The following SHC3 variants were observed in gnomAD, a reference collection of about 807,000 sequenced individuals.
The protein encoded by SHC3 is SHC-transforming protein 3.
In SHC3, 15 loss-of-function variants were observed where a neutral mutation model predicts 60.4. The observed-to-expected ratio is 0.25, with a 90% CI of 0.17 to 0.38. The LOEUF is 0.38. Among genes scored for constraint, SHC3 ranks in the 10% least tolerant of loss-of-function variants. SHC3 has a pLI of 1.00. For synonymous variants in SHC3, 294 were observed against 325.9 expected (o/e 0.90, Z 1.05); for missense variants, 677 against 786.1 (o/e 0.86, Z 1.66).
intron 11 of SHC3, among the ~76,000 whole-genome samples, chr9:89,021,873 G>A (rs1036153148): frequency 6.6e-6 from 1 of 152,192 alleles, no homozygotes; most frequent in African/African-American, 2.4e-5. Flanking sequence ...AAAATGGGAG[G>A]AGGTCGGCCC....
Position 89,130,529 on chromosome 9 carries a change from G to A in SHC3, c.475-17903C>T, listed in dbSNP as rs1189965887. On this transcript the variant is annotated intron_variant, in intron 1 of 11. Coordinates refer to ENST00000375835, the MANE Select transcript of SHC3 (RefSeq NM_016848.6). ...CATAGTTGGAATTAAAGCACTCCTC[G>A]GCAAATGTAAAAGAACAGAAATTAT... is the stretch of plus-strand genomic sequence containing the variant. Among the ~76,000 whole-genome samples, 6 of 151,978 alleles carry A rather than the reference G, an allele frequency of 3.9e-5. 1 individual carries two copies. Among genetic ancestry groups the A allele is most frequent in the East Asian group, 3.9e-4 (2 of 5,184 alleles).
chr9:89,138,889 C>A (rs965120486), intron 1 of SHC3, among the ~76,000 whole-genome samples: 2 of 152,136 alleles, frequency 1.3e-5, no homozygotes, highest in Non-Finnish European at 2.9e-5. Flanking sequence ...AAGGGTGATT[C>A]ATGACTCTTG....
intron 11 of SHC3, among the ~76,000 whole-genome samples, chr9:89,035,102 G>C (rs1482706044): frequency 1.3e-5 from 2 of 152,296 alleles, no homozygotes; most frequent in African/African-American, 4.8e-5. Context: ...CCAATAAATA[G>C]TGCGGGTTCC....
chr9:89,159,222 A>T (rs998546446), intron 1 of SHC3, among the ~76,000 whole-genome samples: 4 of 152,340 alleles, frequency 2.6e-5, no homozygotes, highest in East Asian at 3.8e-4. Flanking sequence ...CTAAAGACCA[A>T]ATTATTCTTA....
intron 6 of SHC3, among the ~76,000 whole-genome samples, chr9:89,058,907 G>A (rs1271525713): frequency 2.0e-5 from 3 of 147,678 alleles, no homozygotes; most frequent in South Asian, 2.2e-4. Context: ...AGTGAAGGAC[G>A]TGGTGGAGGA....
At position 89,060,755 on chromosome 9, in the gene SHC3, T is replaced by C. The variant is rs546913527; in HGVS notation, c.835+4774A>G. Among the ~76,000 whole-genome samples, 249 of 152,110 alleles carry C rather than the reference T, an allele frequency of 1.6e-3. 6 individuals are homozygous for C. In the South Asian group the frequency reaches 0.05, roughly 31 times the overall value. On this transcript the variant is annotated intron_variant, in intron 6 of 11. Coordinates refer to ENST00000375835, the MANE Select transcript of SHC3 (RefSeq NM_016848.6). ...TCTGTCTGCCATGTGGACAAAAAACTTTAGAGTGGAAGAGCGGGCACAGAG... is the reference window on the plus strand; with the variant it reads ...TCTGTCTGCCATGTGGACAAAAAACCTTAGAGTGGAAGAGCGGGCACAGAG...
chr9:89,102,445 A>C (rs1040785480), intron 2 of SHC3, among the ~76,000 whole-genome samples: 15 of 152,196 alleles, frequency 9.9e-5, no homozygotes, highest in African/African-American at 3.6e-4. Context: ...TTTTAGGAAT[A>C]CCTTTTTTAT....
intron 2 of SHC3, among the ~76,000 whole-genome samples, chr9:89,085,854 G>A (rs1290633050): frequency 6.6e-6 from 1 of 152,202 alleles, no homozygotes; most frequent in Non-Finnish European, 1.5e-5. Flanking sequence ...CTGGCAAGGA[G>A]TGCCCAGTGA....
At chr9:89,018,133 A>T (rs1008909681) in intron 11 of SHC3, among the ~76,000 whole-genome samples, 1 of 152,228 alleles carries the variant, frequency 6.6e-6, no homozygotes, top group African/African-American at 2.4e-5. Flanking sequence ...CAGCAATTCC[A>T]TTACTGGGTA....
chr9:89,103,871 C>G (rs1825818058), intron 2 of SHC3, among the ~76,000 whole-genome samples: 1 of 152,144 alleles, frequency 6.6e-6, no homozygotes, highest in South Asian at 2.1e-4. Flanking sequence ...TAGTCAGACT[C>G]TAAACCTACT....
At chr9:89,038,339 T>C (rs1273320164) in intron 10 of SHC3, 51 bp from the exon 11 acceptor site, 3 of 1,074,676 alleles carry the variant, frequency 2.8e-6, no homozygotes, top group South Asian at 5.1e-5. Flanking sequence ...GAAGAGCAAA[T>C]GATAAAAAAA....
At chr9:89,030,293 T>C (rs779445503) in intron 11 of SHC3, among the ~76,000 whole-genome samples, 2 of 152,176 alleles carry the variant, frequency 1.3e-5, no homozygotes, top group Non-Finnish European at 2.9e-5. Flanking sequence ...TTTCAATACC[T>C]GACTTTTAAT....
At chr9:89,016,170 A>G (rs1330333401) in intron 11 of SHC3, among the ~76,000 whole-genome samples, 1 of 152,108 alleles carries the variant, frequency 6.6e-6, no homozygotes, top group East Asian at 1.9e-4. Context: ...AGGCTAAGAA[A>G]AAAAGATTAT....
intron 1 of SHC3, among the ~76,000 whole-genome samples, chr9:89,172,704 G>A (rs1826887478): frequency 6.6e-6 from 1 of 152,180 alleles, no homozygotes; most frequent in Admixed American, 6.5e-5. Context: ...GAACTCTTAT[G>A]ATAAATTGCA....
At chr9:89,018,673 G>GTTTT (rs747693410) in intron 11 of SHC3, among the ~76,000 whole-genome samples, 18 of 147,386 alleles carry the variant, frequency 1.2e-4, no homozygotes, top group African/African-American at 4.2e-4. Context: ...TGATAAAGTA[G>GTTTT]TTTTTTTTTC....
intron 2 of SHC3, among the ~76,000 whole-genome samples, chr9:89,097,096 T>C: frequency 9.6e-6 from 1 of 103,638 alleles, no homozygotes; most frequent in South Asian, 3.7e-4. Flanking sequence ...CAGAAGGTGC[T>C]CGCTCTCATG....
At chr9:89,123,143 T>C (rs909610311) in intron 1 of SHC3, among the ~76,000 whole-genome samples, 4 of 152,234 alleles carry the variant, frequency 2.6e-5, no homozygotes, top group African/African-American at 9.6e-5. Flanking sequence ...TCTCCACCAT[T>C]GCTAACAACT....
chr9:89,071,699 T>C (rs150111799), intron 4 of SHC3, among the ~76,000 whole-genome samples: 1 of 152,326 alleles, frequency 6.6e-6, no homozygotes, highest in African/African-American at 2.4e-5. Context: ...GATGTTTGCC[T>C]AATTAATGAA....
At chr9:89,046,406 T>C (rs1824776261) in intron 8 of SHC3, among the ~76,000 whole-genome samples, 1 of 152,180 alleles carries the variant, frequency 6.6e-6, no homozygotes, top group Non-Finnish European at 1.5e-5. Flanking sequence ...ATTGCCTTAC[T>C]AGAATTTTGA....
Sources: gnomAD v4.1 joint callset for allele counts (sites outside exome capture counted in the v4.1 genomes callset) on GRCh38, gnomAD v4.1.1 for gene constraint, MANE v1.5 for transcripts, NCBI Gene and HGNC (gene_info 2026-07-23, HGNC 2026-07-21) for gene names.